BRINP1: variants seen among roughly 807,000 people sequenced by gnomAD.
The protein encoded by BRINP1 is BMP/retinoic acid-inducible neural-specific protein 1.
A neutral mutation model predicts 72.9 loss-of-function variants in BRINP1; 17 were observed. That is an observed-to-expected ratio of 0.23 (90% CI 0.16 to 0.35). The LOEUF is 0.35. BRINP1 is among the 10% of genes least tolerant of loss of function. The pLI, the probability that BRINP1 is intolerant of heterozygous loss-of-function variation, is 1.00. For synonymous variants in BRINP1, 418 were observed against 378.5 expected, an observed-to-expected ratio of 1.10 and a Z score of -1.21; for missense variants, 850 against 1,001.6, an observed-to-expected ratio of 0.85 and a Z score of 2.04.
In BRINP1 at chr9:119,295,000, GA is replaced by G. The variant is rs879590674; in HGVS notation, c.218+18137del. On this transcript the variant is annotated intron_variant, in intron 2 of 7. Coordinates refer to ENST00000265922, the MANE Select transcript of BRINP1 (RefSeq NM_014618.3). ...AAATTTTGCATTCTTTATAGAAATA[GA>G]AAAAAAAAACTTAAAATATGTGTGG... Among the ~76,000 whole-genome samples the G allele has an allele frequency of 4.0e-3, 586 of 146,412 alleles. 5 individuals are homozygous for G. The highest frequency in any genetic ancestry group is 0.013 in the African/African-American group (512 of 39,980).
At chr9:119,211,963 C>T (rs937700961) in intron 6 of BRINP1, among the ~76,000 whole-genome samples, 2 of 152,102 alleles carry the variant, frequency 1.3e-5, no homozygotes, top group Admixed American at 6.5e-5. Context: ...GAGTCTTACT[C>T]CTTGTGCATA....
chr9:119,366,839 T>A (rs937238284), intron 1 of BRINP1, among the ~76,000 whole-genome samples: 14 of 151,918 alleles, frequency 9.2e-5, no homozygotes, highest in African/African-American at 3.4e-4. Context: ...CACTACTGAA[T>A]GTTGGGGAAT....
At chr9:119,357,315 A>C (rs1004662052) in intron 1 of BRINP1, among the ~76,000 whole-genome samples, 2 of 152,232 alleles carry the variant, frequency 1.3e-5, no homozygotes, top group Non-Finnish European at 2.9e-5. Flanking sequence ...GAGAGATTGC[A>C]ACATCTGGCT....
At chr9:119,339,435 C>T (rs1831386214) in intron 1 of BRINP1, among the ~76,000 whole-genome samples, 1 of 152,230 alleles carries the variant, frequency 6.6e-6, no homozygotes, top group Non-Finnish European at 1.5e-5. Context: ...GGAATATCAG[C>T]ATCAAGAGGT....
rs1055806703 is a variant in BRINP1 at position 119,258,570 on chromosome 9, G to A, written c.219-9420C>T. ...AAATATCAGGATAGAGGGACTTTAG[G>A]CACTCACGGCCATCACTGTCATTTC... On this transcript the variant is annotated intron_variant, in intron 2 of 7. Coordinates refer to ENST00000265922, the MANE Select transcript of BRINP1 (RefSeq NM_014618.3). 3.9e-5 allele frequency among the ~76,000 whole-genome samples: 6 copies of A among 152,266 alleles called. No individual in the cohort carries two copies. In the East Asian group the frequency reaches 1.2e-3, roughly 29 times the overall value.
In BRINP1 at chr9:119,357,829, T is replaced by C. The variant is rs1448989313; in HGVS notation, c.-51+11227A>G. 1.3e-5 allele frequency among the ~76,000 whole-genome samples: 2 copies of C among 152,144 alleles called. 1 individual carries two copies. The highest frequency in any genetic ancestry group is 4.1e-4 in the South Asian group (2 of 4,828). The stretch of plus-strand genomic sequence containing the variant: ...GCATGAAGATTTGCAATGACTAACC[T>C]ATCCCAAGACAATAGAGATCAGGCA... On this transcript the variant is annotated intron_variant, in intron 1 of 7. Coordinates refer to ENST00000265922, the MANE Select transcript of BRINP1 (RefSeq NM_014618.3).
At chr9:119,288,629 T>C (rs1035228792) in intron 2 of BRINP1, among the ~76,000 whole-genome samples, 17 of 152,308 alleles carry the variant, frequency 1.1e-4, no homozygotes, top group African/African-American at 4.1e-4. Context: ...AGGGGTGATA[T>C]TTTTAGCAAG....
At chr9:119,348,496 T>C (rs1831471411) in intron 1 of BRINP1, among the ~76,000 whole-genome samples, 1 of 152,254 alleles carries the variant, frequency 6.6e-6, no homozygotes, top group African/African-American at 2.4e-5. Flanking sequence ...TGCTGGATTC[T>C]ATGGTAAGAG....
intron 4 of BRINP1, among the ~76,000 whole-genome samples, chr9:119,239,436 G>A (rs12378647): frequency 0.71 from 107,446 of 152,126 alleles, 38,176 homozygotes; most frequent in Middle Eastern, 0.81. Context: ...GACTTGAGGT[G>A]GTGGGTAAGA....
chr9:119,356,016 T>G (rs937889060), intron 1 of BRINP1, among the ~76,000 whole-genome samples: 3 of 152,166 alleles, frequency 2.0e-5, no homozygotes, highest in Non-Finnish European at 2.9e-5. Flanking sequence ...GAAATAGAGA[T>G]AGAAATTATA....
In BRINP1 at chr9:119,270,380, G is replaced by A. The variant is rs898616509; in HGVS notation, c.219-21230C>T. Among the ~76,000 whole-genome samples, 8 of 152,272 alleles carry A rather than the reference G, an allele frequency of 5.3e-5. No homozygotes were observed. In the South Asian group the frequency reaches 8.3e-4, roughly 16 times the overall value. ...TTGAGAGTTGAACGTGGACAGGCAC[G>A]CTTAAAAGCAGTAAGATTATACAGG... is the stretch of plus-strand genomic sequence containing the variant. On this transcript the variant is annotated intron_variant, in intron 2 of 7. Coordinates refer to ENST00000265922, the MANE Select transcript of BRINP1 (RefSeq NM_014618.3).
chr9:119,178,857 A>G (rs1829519920), intron 7 of BRINP1, among the ~76,000 whole-genome samples: 1 of 152,168 alleles, frequency 6.6e-6, no homozygotes, highest in Non-Finnish European at 1.5e-5. Flanking sequence ...TATGGTGAGT[A>G]ATAAGAAGAA....
chr9:119,361,628 T>C (rs1002398361), intron 1 of BRINP1, among the ~76,000 whole-genome samples: 8 of 151,856 alleles, frequency 5.3e-5, no homozygotes, highest in African/African-American at 1.9e-4. Flanking sequence ...TTCTTTTTTT[T>C]GTTTTTTTTT....
chr9:119,329,794 T>C (rs1337553167), intron 1 of BRINP1, among the ~76,000 whole-genome samples: 1 of 152,178 alleles, frequency 6.6e-6, no homozygotes, highest in Non-Finnish European at 1.5e-5. Flanking sequence ...TGATTATCAT[T>C]CCTATTTCAT....
intron 2 of BRINP1, among the ~76,000 whole-genome samples, chr9:119,271,162 G>T (rs1304699622): frequency 6.6e-6 from 1 of 151,994 alleles, no homozygotes; most frequent in Non-Finnish European, 1.5e-5. Flanking sequence ...TAGAAGAAAA[G>T]GAAGTATTTT....
intron 2 of BRINP1, among the ~76,000 whole-genome samples, chr9:119,255,419 G>C (rs2118928044): frequency 6.6e-6 from 1 of 152,350 alleles, no homozygotes; most frequent in South Asian, 2.1e-4. Flanking sequence ...AGCCAGAGGT[G>C]GGAGGGCAGA....
At chr9:119,171,413 A>C (rs1377643110) in intron 7 of BRINP1, among the ~76,000 whole-genome samples, 1 of 144,808 alleles carries the variant, frequency 6.9e-6, no homozygotes, top group African/African-American at 2.5e-5. Flanking sequence ...AAAGGGATCA[A>C]TTCAACAAGA....
chr9:119,168,325 G>C, intron 7 of BRINP1, 101 bp from the exon 8 acceptor site: 2 of 918,564 alleles, frequency 2.2e-6, no homozygotes. Flanking sequence ...CCAAAAAGAT[G>C]AAAGGACTGG....
rs117047986 is a variant in BRINP1, at chr9:119,234,988, A to G, written c.685+3667T>C. On this transcript the variant is annotated intron_variant, in intron 5 of 7. Transcript: ENST00000265922. ...ATTCACCCAATTGTCTAAATTCTAT[A>G]TGGTCTTTTCACTAAATCCTCGTCA... Among the ~76,000 whole-genome samples the G allele has an allele frequency of 4.4e-4, 67 of 152,180 alleles. No individual in the cohort carries two copies. The East Asian group carries it at 8.7e-3, about 20-fold the overall frequency.
Sources: allele counts gnomAD v4.1 joint callset (sites outside exome capture counted in the v4.1 genomes callset), GRCh38; gene constraint gnomAD v4.1.1; transcripts MANE v1.5; gene names NCBI Gene and HGNC (gene_info 2026-07-23, HGNC 2026-07-21).